The following DPP10 variants were observed in gnomAD, a reference collection of about 807,000 sequenced individuals.
DPP10 encodes inactive dipeptidyl peptidase 10.
DPP10 carries 33 observed loss-of-function variants against 120.9 expected under a neutral mutation model. That is an observed-to-expected ratio of 0.27 (90% CI 0.21 to 0.37). The LOEUF (loss-of-function observed/expected upper bound fraction) is 0.37. DPP10 is among the 10% of genes least tolerant of loss of function. The probability of loss-of-function intolerance (pLI) is 1.00; values close to 1 mark genes in which losing one functional copy is unlikely to be tolerated. For synonymous variants in DPP10, 337 were observed against 326.1 expected (o/e 1.03, Z -0.36); for missense variants, 816 against 942.8 (o/e 0.87, Z 1.76).
chr2:115,269,805 A>G (rs2059613267), intron 1 of DPP10, among the ~76,000 whole-genome samples: 1 of 152,128 alleles, frequency 6.6e-6, no homozygotes, highest in Admixed American at 6.5e-5. Context: ...GGAAGGGCAT[A>G]AATACCAGAA....
At chr2:115,284,743 G>A (rs1487827131) in intron 1 of DPP10, among the ~76,000 whole-genome samples, 1 of 151,948 alleles carries the variant, frequency 6.6e-6, no homozygotes, top group Non-Finnish European at 1.5e-5. Flanking sequence ...AGGATACCAT[G>A]CAGAAGAGGT....
intron 7 of DPP10, among the ~76,000 whole-genome samples, chr2:115,720,581 A>C (rs2092623353): frequency 6.6e-6 from 1 of 152,122 alleles, no homozygotes; most frequent in African/African-American, 2.4e-5. Flanking sequence ...AAATGTACTT[A>C]TATGTTTTAA....
intron 1 of DPP10, among the ~76,000 whole-genome samples, chr2:114,551,973 G>A (rs149756109): frequency 9.9e-5 from 15 of 152,276 alleles, no homozygotes; most frequent in African/African-American, 3.6e-4. Context: ...CCCACTCTAT[G>A]AAAAAGTAAA....
At chr2:115,736,492 G>A (rs560664259) in intron 8 of DPP10, among the ~76,000 whole-genome samples, 1 of 152,160 alleles carries the variant, frequency 6.6e-6, no homozygotes, top group African/African-American at 2.4e-5. Context: ...ATAAGGTAAT[G>A]TGGATTATTA....
At chr2:114,455,097 A>G (rs1286732781) in intron 1 of DPP10, among the ~76,000 whole-genome samples, 5 of 152,052 alleles carry the variant, frequency 3.3e-5, no homozygotes. Flanking sequence ...AGAAGACGAT[A>G]TCACTATGAG....
chr2:115,313,279 C>T (rs1023206139), intron 2 of DPP10, among the ~76,000 whole-genome samples: 3 of 152,114 alleles, frequency 2.0e-5, no homozygotes, highest in Non-Finnish European at 4.4e-5. Flanking sequence ...TTATACAACC[C>T]TGGGCTAGTC....
chr2:114,632,714 G>A lies in DPP10; in HGVS notation c.60+189876G>A, dbSNP rs367548003. On this transcript the variant is annotated intron_variant, in intron 1 of 25. Coordinates refer to ENST00000410059, the MANE Select transcript of DPP10 (RefSeq NM_020868.6). ...TTTTTAGTAGAGACAGAGTTTCACC[G>A]TGTTAGCCAGGATGGTCTCGATCTC... 9.2e-5 allele frequency among the ~76,000 whole-genome samples: 14 copies of A among 151,880 alleles called. No individual in the cohort carries two copies. In the South Asian group the frequency reaches 1.3e-3, roughly 14 times the overall value.
intron 1 of DPP10, among the ~76,000 whole-genome samples, chr2:115,032,649 G>A (rs1240081543): frequency 6.6e-6 from 1 of 152,022 alleles, no homozygotes; most frequent in African/African-American, 2.4e-5. Context: ...GGGAGGCCGA[G>A]GTGGGTGGAT....
chr2:114,686,091 T>C (rs1403924894), intron 1 of DPP10, among the ~76,000 whole-genome samples: 2 of 151,914 alleles, frequency 1.3e-5, no homozygotes, highest in Non-Finnish European at 2.9e-5. Flanking sequence ...GGCTGCTTGC[T>C]TTCTCTACCT....
chr2:115,638,710 G>A (rs2086547378), intron 5 of DPP10, among the ~76,000 whole-genome samples: 1 of 152,124 alleles, frequency 6.6e-6, no homozygotes, highest in South Asian at 2.1e-4. Context: ...CTATTATCTG[G>A]ACCAACAAAT....
chr2:114,839,600 C>T (rs1197593199), intron 1 of DPP10, among the ~76,000 whole-genome samples: 1 of 152,180 alleles, frequency 6.6e-6, no homozygotes, highest in Non-Finnish European at 1.5e-5. Flanking sequence ...AATTCTTTCA[C>T]TTATCAAGTG....
At chr2:114,838,010 C>A (rs1177797280) in intron 1 of DPP10, among the ~76,000 whole-genome samples, 3 of 152,202 alleles carry the variant, frequency 2.0e-5, no homozygotes, top group Non-Finnish European at 4.4e-5. Context: ...TCATGCAAGT[C>A]CAATGAAAGT....
At chr2:115,191,848 C>T (rs1211074714) in intron 1 of DPP10, among the ~76,000 whole-genome samples, 1 of 152,132 alleles carries the variant, frequency 6.6e-6, no homozygotes, top group Non-Finnish European at 1.5e-5. Context: ...GCTAAAAGAC[C>T]TTTAGCTCTG....
At chr2:115,074,342 G>A (rs1269222026) in intron 1 of DPP10, among the ~76,000 whole-genome samples, 1 of 152,020 alleles carries the variant, frequency 6.6e-6, no homozygotes, top group Admixed American at 6.6e-5. Flanking sequence ...ATAGCAAAAT[G>A]TTTTTGTCTT....
chr2:115,696,208 C>T (rs963593528), intron 7 of DPP10, among the ~76,000 whole-genome samples: 2 of 152,022 alleles, frequency 1.3e-5, no homozygotes, highest in Admixed American at 6.6e-5. Flanking sequence ...TAAAAATTAA[C>T]AGCCCCAAAT....
At chr2:114,442,886 T>G (rs1053443461) in intron 1 of DPP10, 48 bp downstream of exon 1, 4 of 1,604,810 alleles carry the variant, frequency 2.5e-6, no homozygotes, top group Non-Finnish European at 3.4e-6. Flanking sequence ...TCTTCATTCA[T>G]CTACCTAACA....
chr2:115,124,465 A>G (rs2049976229), intron 1 of DPP10, among the ~76,000 whole-genome samples: 1 of 152,180 alleles, frequency 6.6e-6, no homozygotes, highest in Admixed American at 6.5e-5. Context: ...GGCCTAATAA[A>G]GCCCCTGCAT....
chr2:115,101,366 T>C (rs951820471), intron 1 of DPP10, among the ~76,000 whole-genome samples: 2 of 152,190 alleles, frequency 1.3e-5, no homozygotes, highest in Non-Finnish European at 2.9e-5. Context: ...TAACTGCTTT[T>C]GGTATATAGT....
chr2:115,353,624 A>C (rs1210470964), intron 3 of DPP10, among the ~76,000 whole-genome samples: 2 of 152,104 alleles, frequency 1.3e-5, no homozygotes, highest in Non-Finnish European at 2.9e-5. Context: ...AGTAAGTCAA[A>C]ATTTGCATGT....
Sources: allele counts gnomAD v4.1 joint callset (sites outside exome capture counted in the v4.1 genomes callset), GRCh38; gene constraint gnomAD v4.1.1; transcripts MANE v1.5; gene names NCBI Gene and HGNC (gene_info 2026-07-23, HGNC 2026-07-21).